TNRC6B: variants seen among roughly 807,000 people sequenced by gnomAD.
TNRC6B encodes the protein trinucleotide repeat containing adaptor 6B.
A neutral mutation model predicts 203.6 loss-of-function variants in TNRC6B; 52 were observed. The ratio of observed to expected loss-of-function variants is 0.26; its 90% CI spans 0.20 to 0.32. The LOEUF (loss-of-function observed/expected upper bound fraction) is 0.32. Ranked by LOEUF, TNRC6B falls within the 10% of genes least tolerant of loss-of-function variation. TNRC6B has a pLI of 1.00. For missense variants in TNRC6B, 1,923 were observed against 2,286.2 expected (o/e 0.84, Z 3.24); for synonymous variants, 838 against 845.7 (o/e 0.99, Z 0.16).
intron 15 of TNRC6B, among the ~76,000 whole-genome samples, chr22:40,306,494 C>A (rs1229060962): frequency 6.6e-6 from 1 of 152,106 alleles, no homozygotes; most frequent in African/African-American, 2.4e-5. Flanking sequence ...TTCAGGTGGC[C>A]TGGAATCCAA....
intron 15 of TNRC6B, 84 bp from the exon 16 acceptor site, chr22:40,308,428 C>A: frequency 1.4e-6 from 2 of 1,478,748 alleles, no homozygotes; most frequent in Non-Finnish European, 9.5e-7. Flanking sequence ...CTTTGAATGA[C>A]ACTTGAAGGC....
intron 22 of TNRC6B, 139 bp downstream of exon 22, chr22:40,321,368 A>T: frequency 1.0e-6 from 1 of 977,956 alleles, no homozygotes; most frequent in Non-Finnish European, 1.5e-6. Context: ...GCAAGTCTCG[A>T]GTGTGGAGAG....
At chr22:40,309,866 G>C (rs948252419) in intron 16 of TNRC6B, among the ~76,000 whole-genome samples, 2 of 152,124 alleles carry the variant, frequency 1.3e-5, no homozygotes, top group Non-Finnish European at 2.9e-5. Context: ...AAAAGTAAAT[G>C]CCCTCTTAGC....
intron 1 of TNRC6B, among the ~76,000 whole-genome samples, chr22:40,052,622 C>T (rs2067759092): frequency 6.6e-6 from 1 of 150,860 alleles, no homozygotes; most frequent in South Asian, 2.1e-4. Flanking sequence ...ACACCTGGCT[C>T]ATGTTTTGTA....
intron 1 of TNRC6B, among the ~76,000 whole-genome samples, chr22:40,075,151 TA>T (rs1421391187): frequency 4.8e-5 from 4 of 82,738 alleles, no homozygotes; most frequent in African/African-American, 7.6e-5. Flanking sequence ...TATATATATA[TA>T]TATATTTTTT....
chr22:40,298,505 G>C (rs1309558375), intron 12 of TNRC6B, among the ~76,000 whole-genome samples: 1 of 152,214 alleles, frequency 6.6e-6, no homozygotes, highest in Admixed American at 6.5e-5. Flanking sequence ...GAATCAGCCT[G>C]TGGAATAATG....
At chr22:40,308,483 C>G in intron 15 of TNRC6B, 29 bp from the exon 16 acceptor site, 1 of 1,613,676 alleles carries the variant, frequency 6.2e-7, no homozygotes, top group Non-Finnish European at 8.5e-7. Flanking sequence ...ATGCTGGAGA[C>G]TTATAAAATG....
intron 4 of TNRC6B, among the ~76,000 whole-genome samples, chr22:40,159,355 C>T (rs2068851143): frequency 6.7e-6 from 1 of 149,534 alleles, no homozygotes; most frequent in African/African-American, 2.5e-5. Context: ...AAAGGTGAGA[C>T]CTGGCCAGGC....
At chr22:40,261,809 G>A in intron 3 of TNRC6B, 23 bp from the exon 4 acceptor site, 1 of 1,493,528 alleles carries the variant, frequency 6.7e-7, no homozygotes. Flanking sequence ...TTCAAAGACT[G>A]TTTCCCAACC....
intron 1 of TNRC6B, among the ~76,000 whole-genome samples, chr22:40,062,475 C>T (rs1029737222): frequency 2.6e-5 from 4 of 152,188 alleles, no homozygotes; most frequent in Non-Finnish European, 5.9e-5. Flanking sequence ...TCCCAAAGTC[C>T]TGTGATTACA....
chr22:40,281,092 G>T, intron 10 of TNRC6B, 27 bp from the exon 11 acceptor site: 1 of 1,523,404 alleles, frequency 6.6e-7, no homozygotes, highest in Non-Finnish European at 8.8e-7. Flanking sequence ...CACTCGTTGT[G>T]ATTGGCTAAC....
At chr22:40,272,482 CAGA>C (rs2070578023) in intron 6 of TNRC6B, among the ~76,000 whole-genome samples, 1 of 152,200 alleles carries the variant, frequency 6.6e-6, no homozygotes, top group South Asian at 2.1e-4. Flanking sequence ...ATGTACAAAT[CAGA>C]AGACTTTCAT....
At position 40,191,135 on chromosome 22, in the gene TNRC6B, G is replaced by A. The variant is rs1348607033; in HGVS notation, c.5+12995G>A. Reference sequence around the variant, plus strand: ...GCTGGGTCTTAATGGGCAGATGGGAGTCGCTTGGTGTGGTGGAGTGGTTTA... The same window carrying A: ...GCTGGGTCTTAATGGGCAGATGGGAATCGCTTGGTGTGGTGGAGTGGTTTA... On this transcript the variant is annotated intron_variant, in intron 1 of 22. Coordinates refer to ENST00000454349, the MANE Select transcript of TNRC6B (RefSeq NM_001162501.2). Among the ~76,000 whole-genome samples the A allele has an allele frequency of 2.6e-5, 4 of 152,248 alleles. No homozygotes were observed. The South Asian group carries it at 8.3e-4, about 32-fold the overall frequency.
intron 3 of TNRC6B, among the ~76,000 whole-genome samples, chr22:40,251,404 T>C (rs2070191004): frequency 6.6e-6 from 1 of 151,960 alleles, no homozygotes. Context: ...TTTTTAGGAG[T>C]CAAAAGAGTA....
chr22:40,199,832 C>T (rs1006972406), intron 1 of TNRC6B, among the ~76,000 whole-genome samples: 3 of 152,096 alleles, frequency 2.0e-5, no homozygotes, highest in East Asian at 1.9e-4. Context: ...CTGGCTCTGT[C>T]GCCCAGGCTG....
chr22:40,288,445 C>T (rs1481895456), intron 12 of TNRC6B, among the ~76,000 whole-genome samples: 3 of 152,200 alleles, frequency 2.0e-5, no homozygotes, highest in Non-Finnish European at 4.4e-5. Flanking sequence ...TGGCTCACAC[C>T]TGCAATCCCA....
In TNRC6B at chr22:40,330,039, GT is replaced by G. The variant is rs2071448294; in HGVS notation, c.*6802del. ...CAGATAAATAGGCAAGAAGTACTCT[GT>G]TTTAAATAAAGAATAAATAGTGTCC... On this transcript the variant is annotated 3_prime_UTR_variant, in exon 23 of 23. Transcript: ENST00000454349. 6.6e-6 allele frequency: 1 copy of G among 152,176 alleles called. No homozygotes were observed. Among genetic ancestry groups the G allele is most frequent in the Non-Finnish European group, 1.5e-5 (1 of 68,040 alleles). The allele number at this position is 152,176 out of a possible 1,614,324, so 9.4% of individuals were successfully genotyped here. A position where few individuals can be genotyped will look rare whatever the true frequency, so the allele number is the denominator to read the frequency against.
chr22:40,080,785 C>T (rs1319230523), intron 1 of TNRC6B, among the ~76,000 whole-genome samples: 1 of 151,242 alleles, frequency 6.6e-6, no homozygotes, highest in Non-Finnish European at 1.5e-5. Context: ...TGCAAAGAAC[C>T]TGCCTCCTTT....
intron 4 of TNRC6B, among the ~76,000 whole-genome samples, chr22:40,170,947 A>AT: frequency 6.8e-6 from 1 of 146,808 alleles, no homozygotes; most frequent in African/African-American, 2.5e-5. Context: ...ATGTACATAT[A>AT]GGTGTATATA....
Sources: allele counts gnomAD v4.1 joint callset (sites outside exome capture counted in the v4.1 genomes callset), GRCh38; gene constraint gnomAD v4.1.1; transcripts MANE v1.5; gene names NCBI Gene and HGNC (gene_info 2026-07-23, HGNC 2026-07-21).